The following BTG4 variants were observed in gnomAD, a reference collection of about 807,000 sequenced individuals.
BTG4 encodes the protein protein BTG4.
In BTG4, 10 loss-of-function variants were observed where a neutral mutation model predicts 19.3. That is an observed-to-expected ratio of 0.52 (90% confidence interval 0.32 to 0.88). The LOEUF (loss-of-function observed/expected upper bound fraction) is 0.88. BTG4 is among the 40% of genes least tolerant of loss of function. BTG4 has a pLI of 0.04. For missense variants in BTG4, 238 were observed against 281.9 expected, an observed-to-expected ratio of 0.84 and a Z score of 1.11; for synonymous variants, 91 against 95.7, an observed-to-expected ratio of 0.95 and a Z score of 0.29.
At chr11:111,446,601 T>C in the BTG4 span, among the ~76,000 whole-genome samples, 4 of 150,122 alleles carry the variant, frequency 2.7e-5, no homozygotes, top group Admixed American at 1.3e-4. Flanking sequence ...CTATAAAAAA[T>C]AATTAAGATC....
chr11:111,503,595 G>T (rs1866241419), intron 1 of BTG4, among the ~76,000 whole-genome samples: 1 of 152,100 alleles, frequency 6.6e-6, no homozygotes, highest in South Asian at 2.1e-4. Flanking sequence ...TTGGGTGAGG[G>T]GATTATGTCT....
rs1411436702 is a variant in BTG4 at position 111,495,034 on chromosome 11, T to A, written c.*101A>T. The A allele has an allele frequency of 2.2e-6, 3 of 1,366,650 alleles. No homozygotes were observed. The highest frequency in any genetic ancestry group is 3.0e-5 in the African/African-American group (2 of 67,020). The allele number at this position is 1,366,650 out of a possible 1,614,324, so 84.7% of individuals were successfully genotyped here. On this transcript the variant is annotated 3_prime_UTR_variant, in exon 5 of 5. Coordinates refer to ENST00000692032, the MANE Select transcript of BTG4 (RefSeq NM_001367975.1). ...TGTACCCTAGTCCCTAATATGGTCATTTTTTGTTTCATGGGCCTCTCAACC... is the reference window on the plus strand; with the variant it reads ...TGTACCCTAGTCCCTAATATGGTCAATTTTTGTTTCATGGGCCTCTCAACC...
At chr11:111,479,136 C>A (rs903108464) in intron 5 of BTG4, among the ~76,000 whole-genome samples, 8 of 151,998 alleles carry the variant, frequency 5.3e-5, no homozygotes, top group African/African-American at 1.9e-4. Flanking sequence ...GACACCCTAC[C>A]ACTAGAGGAA....
At chr11:111,447,567 T>C in the BTG4 span, among the ~76,000 whole-genome samples, 6 of 152,264 alleles carry the variant, frequency 3.9e-5, no homozygotes, top group East Asian at 1.2e-3. Flanking sequence ...AGCCCAGTTA[T>C]GCACACGCAT....
chr11:111,483,498 A>T (rs1378089246), intron 5 of BTG4, among the ~76,000 whole-genome samples: 2 of 152,162 alleles, frequency 1.3e-5, no homozygotes, highest in African/African-American at 2.4e-5. Context: ...CAGAGAAGGA[A>T]TTGAGAATTC....
At chr11:111,405,071 T>C in the BTG4 span, among the ~76,000 whole-genome samples, 5 of 152,318 alleles carry the variant, frequency 3.3e-5, no homozygotes, top group South Asian at 1.0e-3. Context: ...TCACCTCCAT[T>C]GCAGTCAGAT....
the BTG4 span, among the ~76,000 whole-genome samples, chr11:111,389,070 T>C: frequency 1.3e-5 from 2 of 152,190 alleles, no homozygotes; most frequent in Non-Finnish European, 2.9e-5. Flanking sequence ...ATCAAAGGTG[T>C]AGTTTCCTAT....
the BTG4 span, among the ~76,000 whole-genome samples, chr11:111,413,347 A>G: frequency 3.9e-5 from 6 of 152,354 alleles, no homozygotes; most frequent in South Asian, 4.1e-4. Context: ...CAGAATCCAC[A>G]TGTTTCACAA....
chr11:111,471,969 G>T (rs566960123), intron 5 of BTG4, among the ~76,000 whole-genome samples: 1 of 152,268 alleles, frequency 6.6e-6, no homozygotes, highest in Non-Finnish European at 1.5e-5. Context: ...TACTTTCAAA[G>T]CATATCTAGA....
chr11:111,439,465 T>C, the BTG4 span, among the ~76,000 whole-genome samples: 3 of 150,708 alleles, frequency 2.0e-5, no homozygotes, highest in Non-Finnish European at 4.4e-5. Context: ...GCTACAACCC[T>C]TGGCCAGACA....
chr11:111,402,955 A>G, the BTG4 span, among the ~76,000 whole-genome samples: 24 of 152,178 alleles, frequency 1.6e-4, no homozygotes, highest in African/African-American at 5.8e-4. Context: ...ATTTCAATGG[A>G]ACTGATCACC....
At position 111,495,318 on chromosome 11, in the gene BTG4, G is replaced by C; in HGVS notation, c.511-4C>G. On this transcript the variant is annotated splice_polypyrimidine_tract_variant and splice_region_variant and intron_variant, in intron 4 of 4. Coordinates refer to ENST00000692032, the MANE Select transcript of BTG4 (RefSeq NM_001367975.1). The stretch of plus-strand genomic sequence containing the variant: ...AGGGCTGTTTCAAGTTTTCAACCTG[G>C]AAAAAAAAAGTATAAAGATCTCTAA... 1 of 1,584,192 alleles carries C rather than the reference G, an allele frequency of 6.3e-7. No individual in the cohort carries two copies. The highest frequency in any genetic ancestry group is 8.6e-7 in the Non-Finnish European group (1 of 1,165,932).
intron 5 of BTG4, among the ~76,000 whole-genome samples, chr11:111,477,733 A>C (rs1035223681): frequency 1.3e-5 from 2 of 152,136 alleles, no homozygotes; most frequent in African/African-American, 2.4e-5. Context: ...GCAACCCATA[A>C]ATACCAATGG....
At chr11:111,395,255 T>A in the BTG4 span, among the ~76,000 whole-genome samples, 1 of 152,220 alleles carries the variant, frequency 6.6e-6, no homozygotes, top group African/African-American at 2.4e-5. Context: ...AGGTCCCATG[T>A]GGCTTCCTGC....
intron 1 of BTG4, among the ~76,000 whole-genome samples, chr11:111,511,424 T>C (rs1489652880): frequency 2.6e-5 from 4 of 152,264 alleles, no homozygotes; most frequent in African/African-American, 9.6e-5. Context: ...CTGTTCATGT[T>C]ACTTGTGGCA....
intron 5 of BTG4, among the ~76,000 whole-genome samples, chr11:111,471,137 C>T (rs1864037442): frequency 6.6e-6 from 1 of 152,084 alleles, no homozygotes; most frequent in African/African-American, 2.4e-5. Flanking sequence ...ACTCGATCCA[C>T]CCAACAAGCC....
At chr11:111,395,952 C>T in the BTG4 span, among the ~76,000 whole-genome samples, 3 of 152,244 alleles carry the variant, frequency 2.0e-5, no homozygotes, top group Admixed American at 2.0e-4. Context: ...AGCTATCTCG[C>T]AGAAGCCGCC....
At chr11:111,441,078 A>C in the BTG4 span, among the ~76,000 whole-genome samples, 1 of 150,772 alleles carries the variant, frequency 6.6e-6, no homozygotes. Context: ...TGAGGGCACA[A>C]GGTCACACAG....
intron 5 of BTG4, among the ~76,000 whole-genome samples, chr11:111,471,890 C>A (rs969421326): frequency 6.6e-6 from 1 of 152,186 alleles, no homozygotes; most frequent in African/African-American, 2.4e-5. Context: ...GTTTTTCAGG[C>A]CAAAGCATCC....
Sources: allele counts gnomAD v4.1 joint callset (sites outside exome capture counted in the v4.1 genomes callset), GRCh38; gene constraint gnomAD v4.1.1; transcripts MANE v1.5; gene names NCBI Gene and HGNC (gene_info 2026-07-23, HGNC 2026-07-21).